The following DZANK1 variants were observed in gnomAD, a reference collection of about 807,000 sequenced individuals.
DZANK1 encodes the protein double zinc ribbon and ankyrin repeat-containing protein 1.
Under a neutral mutation model 94.5 loss-of-function variants are expected in DZANK1, and 91 were observed. That is an observed-to-expected ratio of 0.96 (90% CI 0.81 to 1.15). The LOEUF (loss-of-function observed/expected upper bound fraction) is 1.15. DZANK1 is among the 50% of genes most tolerant of loss of function. The pLI is 0.00. For synonymous variants in DZANK1, 312 were observed against 325.3 expected, an observed-to-expected ratio of 0.96 and a Z score of 0.44; for missense variants, 903 against 916.4, an observed-to-expected ratio of 0.99 and a Z score of 0.19.
At chr20:18,416,624 T>A (rs1215620234) in intron 10 of DZANK1, among the ~76,000 whole-genome samples, 1 of 152,206 alleles carries the variant, frequency 6.6e-6, no homozygotes, top group Non-Finnish European at 1.5e-5. Context: ...TTTAGTTCAC[T>A]CTATCTGCCC....
At chr20:18,393,639 A>G (rs1222758541) in intron 17 of DZANK1, 72 bp downstream of exon 17, 4 of 1,015,120 alleles carry the variant, frequency 3.9e-6, no homozygotes, top group Non-Finnish European at 5.9e-6. Flanking sequence ...TCCATTTTAA[A>G]AAAGGTCAAA....
chr20:18,394,715 A>G (rs2056235473), intron 15 of DZANK1: 1 of 488,666 alleles, frequency 2.0e-6, no homozygotes, highest in South Asian at 1.5e-5. Flanking sequence ...TTCTCTGCTT[A>G]AAGTCCTTCA....
intron 19 of DZANK1, 58 bp from the exon 20 acceptor site, chr20:18,385,148 A>G (rs2048407196): frequency 6.6e-7 from 1 of 1,513,434 alleles, no homozygotes; most frequent in South Asian, 1.2e-5. Context: ...AGGAAACTGG[A>G]GAGGATGCAT....
In DZANK1 at chr20:18,466,594, G is replaced by A. The variant is rs57897140; in HGVS notation, c.-20+402C>T. ...TAAGTGAAAGGCAGATAAAATAAAA[G>A]TAGTTGAAAAATTCTAAATAAAAAA... On this transcript the variant is annotated intron_variant, in intron 1 of 20. Coordinates refer to ENST00000262547, the Ensembl canonical transcript of DZANK1. 2.6e-3 allele frequency among the ~76,000 whole-genome samples: 391 copies of A among 152,340 alleles called. 7 individuals carry two copies. The highest frequency in any genetic ancestry group is 0.022 in the Admixed American group (331 of 15,306).
Position 18,439,283 on chromosome 20 carries a change from T to C in DZANK1, c.747+4064A>G, listed in dbSNP as rs369474813. Among the ~76,000 whole-genome samples the C allele has an allele frequency of 1.8e-4, 27 of 152,312 alleles. No individual in the cohort carries two copies. In the South Asian group the frequency reaches 5.2e-3, roughly 29 times the overall value. ...TGGGGAAGCGTTCAAGGAAGACTTA[T>C]GATATGTACTTGCAAAGCTCCAGGG... On this transcript the variant is annotated intron_variant, in intron 8 of 20. Transcript: ENST00000262547.
chr20:18,451,864 A>G (rs1395326110), intron 6 of DZANK1: 1 of 518,538 alleles, frequency 1.9e-6, no homozygotes, highest in Non-Finnish European at 3.9e-6. Context: ...CTGGAACAAA[A>G]GCCTCCTAAA....
At chr20:18,448,323 A>G (rs2058959484) in intron 7 of DZANK1, among the ~76,000 whole-genome samples, 1 of 152,224 alleles carries the variant, frequency 6.6e-6, no homozygotes, top group African/African-American at 2.4e-5. Flanking sequence ...GACATATTGA[A>G]TCACATGCAA....
chr20:18,449,327 A>C (rs1356161932), intron 6 of DZANK1, among the ~76,000 whole-genome samples: 1 of 152,174 alleles, frequency 6.6e-6, no homozygotes, highest in Non-Finnish European at 1.5e-5. Flanking sequence ...ATTATACAAT[A>C]CATGTAACAA....
At chr20:18,413,476 A>G (rs1177530113) in intron 12 of DZANK1, among the ~76,000 whole-genome samples, 1 of 152,150 alleles carries the variant, frequency 6.6e-6, no homozygotes, top group East Asian at 1.9e-4. Flanking sequence ...AAATCTTTCA[A>G]ACTGGGTTAA....
chr20:18,416,715 G>A (rs1447708093), intron 10 of DZANK1, among the ~76,000 whole-genome samples: 1 of 152,066 alleles, frequency 6.6e-6, no homozygotes, highest in East Asian at 1.9e-4. Context: ...TCAGCCCCCA[G>A]CATTCATAGA....
At position 18,409,580 on chromosome 20, in the gene DZANK1, A is replaced by ACACACACAC. The variant is rs1416918028; in HGVS notation, c.1432+3065_1432+3066insGTGTGTGTG. 2.1e-3 allele frequency among the ~76,000 whole-genome samples: 297 copies of ACACACACAC among 138,344 alleles called. 2 individuals are homozygous for ACACACACAC. Among genetic ancestry groups the ACACACACAC allele is most frequent in the African/African-American group, 7.3e-3 (281 of 38,350 alleles). The allele number at this position is 138,344 out of a possible 152,430, so 90.8% of individuals were successfully genotyped here. On this transcript the variant is annotated intron_variant, in intron 13 of 20. Transcript: ENST00000262547. ...CACACACACACACACACACACACAC[A>ACACACACAC]CACCACCACCACCACCATCACCACC...
intron 9 of DZANK1, among the ~76,000 whole-genome samples, chr20:18,431,915 G>A (rs553160990): frequency 1.3e-5 from 2 of 152,160 alleles, no homozygotes; most frequent in South Asian, 4.2e-4. Flanking sequence ...TTCTAACTTT[G>A]TCTCACCTAT....
chr20:18,442,168 G>A (rs1601064110), intron 8 of DZANK1, among the ~76,000 whole-genome samples: 2 of 152,286 alleles, frequency 1.3e-5, no homozygotes, highest in Non-Finnish European at 2.9e-5. Flanking sequence ...GGGCAATCTA[G>A]GTGTTTTAAA....
intron 8 of DZANK1, among the ~76,000 whole-genome samples, chr20:18,442,982 T>C (rs1233039405): frequency 6.6e-6 from 1 of 152,156 alleles, no homozygotes; most frequent in African/African-American, 2.4e-5. Flanking sequence ...TATATAGATA[T>C]ATAGAGACAT....
At chr20:18,464,568 G>A (rs769247205) in intron 2 of DZANK1, among the ~76,000 whole-genome samples, 5 of 151,228 alleles carry the variant, frequency 3.3e-5, no homozygotes, top group Non-Finnish European at 7.4e-5. Flanking sequence ...CAGGGATTAA[G>A]TCTCCAACCT....
chr20:18,384,722 G>A (rs369894939), intron 20 of DZANK1, among the ~76,000 whole-genome samples, 158 bp from the exon 21 acceptor site: 1 of 152,192 alleles, frequency 6.6e-6, no homozygotes, highest in South Asian at 2.1e-4. Flanking sequence ...AGTTCTCAGA[G>A]GTGGCTCTAC....
chr20:18,452,013 G>C (rs1479259004), intron 6 of DZANK1: 2 of 498,190 alleles, frequency 4.0e-6, no homozygotes, highest in East Asian at 5.5e-5. Context: ...ACTTCTTACG[G>C]TCAGACTAGT....
At chr20:18,384,870 C>G in intron 20 of DZANK1, 146 bp downstream of exon 20, 1 of 778,114 alleles carries the variant, frequency 1.3e-6, no homozygotes, top group East Asian at 2.7e-5. Flanking sequence ...GAAAAGCCCT[C>G]AGTGCCCCGG....
intron 16 of DZANK1, 89 bp from the exon 17 acceptor site, chr20:18,393,900 G>T: frequency 1.1e-6 from 1 of 906,636 alleles, no homozygotes; most frequent in Non-Finnish European, 1.7e-6. Context: ...TCCCTCAAAA[G>T]TCAGAGGATA....
Sources: gnomAD v4.1 joint callset for allele counts (sites outside exome capture counted in the v4.1 genomes callset) on GRCh38, gnomAD v4.1.1 for gene constraint, MANE v1.5 for transcripts, NCBI Gene and HGNC (gene_info 2026-07-23, HGNC 2026-07-21) for gene names.